TTC28: variants seen among roughly 807,000 people sequenced by gnomAD.
TTC28 encodes tetratricopeptide repeat protein 28.
Under a neutral mutation model 198.0 loss-of-function variants are expected in TTC28, and 61 were observed. That is an observed-to-expected ratio of 0.31 (90% confidence interval 0.25 to 0.38). The LOEUF is 0.38. Ranked by LOEUF, TTC28 falls within the 10% of genes least tolerant of loss-of-function variation. The pLI is 1.00. For synonymous variants in TTC28, 1,171 were observed against 1,297.8 expected (o/e 0.90, Z 2.10); for missense variants, 2,678 against 3,164.0 (o/e 0.85, Z 3.69).
intron 5 of TTC28, among the ~76,000 whole-genome samples, chr22:28,257,274 C>T (rs569386295): frequency 4.6e-5 from 7 of 152,120 alleles, no homozygotes; most frequent in African/African-American, 7.2e-5. Context: ...GAAAGGAAAT[C>T]GACATATCAA....
chr22:28,293,841 G>C (rs1279358794), intron 5 of TTC28, among the ~76,000 whole-genome samples: 1 of 152,132 alleles, frequency 6.6e-6, no homozygotes, highest in African/African-American at 2.4e-5. Context: ...AAATATGCTT[G>C]AGCAACATCA....
intron 5 of TTC28, among the ~76,000 whole-genome samples, chr22:28,220,026 C>CT (rs1927731558): frequency 2.0e-5 from 3 of 152,206 alleles, no homozygotes; most frequent in Admixed American, 1.3e-4. Flanking sequence ...CCTACTGCAG[C>CT]TGCTGGATCC....
chr22:28,290,938 A>G (rs2044776249), intron 5 of TTC28, among the ~76,000 whole-genome samples: 1 of 152,068 alleles, frequency 6.6e-6, no homozygotes, highest in Admixed American at 6.5e-5. Flanking sequence ...CAATGAAAAA[A>G]TATCTCATTT....
intron 5 of TTC28, among the ~76,000 whole-genome samples, chr22:28,207,224 G>GAA (rs71194756): frequency 4.0e-5 from 5 of 125,586 alleles, no homozygotes; most frequent in Non-Finnish European, 8.6e-5. Context: ...TAAGCAGATG[G>GAA]AAAAAAAAAA....
chr22:28,246,131 C>T lies in TTC28; in HGVS notation c.933+50067G>A, dbSNP rs560036352. 2.6e-5 allele frequency among the ~76,000 whole-genome samples: 4 copies of T among 152,224 alleles called. No homozygotes were observed. The South Asian group carries it at 8.3e-4, about 32-fold the overall frequency. ...CCAACATCGTCCCTTACACATACTA[C>T]ACATTTATATATTTGTTAAACGAAG... On this transcript the variant is annotated intron_variant, in intron 5 of 22. Coordinates refer to ENST00000397906, the MANE Select transcript of TTC28 (RefSeq NM_001145418.2).
At chr22:28,160,131 A>T (rs1921003792) in intron 6 of TTC28, among the ~76,000 whole-genome samples, 1 of 152,234 alleles carries the variant, frequency 6.6e-6, no homozygotes, top group Non-Finnish European at 1.5e-5. Flanking sequence ...AGGATGAAGA[A>T]GACCTACTAT....
intron 2 of TTC28, among the ~76,000 whole-genome samples, chr22:28,488,847 G>C (rs1313661691): frequency 1.3e-5 from 2 of 152,004 alleles, no homozygotes; most frequent in East Asian, 1.9e-4. Flanking sequence ...ATATGTACTT[G>C]GTATTTTTTA....
At chr22:28,322,659 T>C (rs528688971) in intron 2 of TTC28, among the ~76,000 whole-genome samples, 16 of 152,350 alleles carry the variant, frequency 1.1e-4, no homozygotes, top group African/African-American at 3.6e-4. Flanking sequence ...CTGAAAATAC[T>C]GAGCAGGAGC....
At chr22:28,145,571 G>GA (rs1220650034) in intron 6 of TTC28, among the ~76,000 whole-genome samples, 3 of 152,108 alleles carry the variant, frequency 2.0e-5, no homozygotes, top group Non-Finnish European at 4.4e-5. Flanking sequence ...TGTCTTGTCA[G>GA]AAAAAATGTC....
intron 5 of TTC28, among the ~76,000 whole-genome samples, chr22:28,222,628 T>C (rs1927974193): frequency 6.6e-6 from 1 of 152,208 alleles, no homozygotes; most frequent in Non-Finnish European, 1.5e-5. Flanking sequence ...CATTAAGAAA[T>C]GTTCAGAAGC....
rs1270070305 is a variant in TTC28, at chr22:28,014,374, C to T, written c.4092G>A (p.Thr1364=). 8.4e-6 allele frequency: 13 copies of T among 1,550,612 alleles called. No homozygotes were observed. Among genetic ancestry groups the T allele is most frequent in the African/African-American group, 5.5e-5 (4 of 72,976 alleles). ...GTGACACAGTGTTACTGAACAGGCT[C>T]GTCATGCTCTGGCAGCTCCTGGGGA... ...NLFNRSCQSM[T]SLFSNTVSPT... is the part of the protein sequence containing the mutation. Residue 1364 remains threonine, a synonymous_variant, in exon 14 of 23, where the codon ACG becomes ACA. Transcript: ENST00000397906.
intron 5 of TTC28, among the ~76,000 whole-genome samples, chr22:28,173,839 G>A (rs1922908024): frequency 6.6e-6 from 1 of 152,044 alleles, no homozygotes; most frequent in African/African-American, 2.4e-5. Flanking sequence ...CATCTAGCAT[G>A]TTTTTCCCTT....
intron 2 of TTC28, among the ~76,000 whole-genome samples, chr22:28,335,414 G>A (rs2045694750): frequency 6.6e-6 from 1 of 152,114 alleles, no homozygotes; most frequent in Non-Finnish European, 1.5e-5. Context: ...AGCTTGATGG[G>A]GATGGCATTG....
rs2044606305 is a variant in TTC28, at chr22:28,282,651, G to A, written c.933+13547C>T. Among the ~76,000 whole-genome samples, 6 of 152,268 alleles carry A rather than the reference G, an allele frequency of 3.9e-5. No homozygotes were observed. In the South Asian group the frequency reaches 1.0e-3, roughly 26 times the overall value. The stretch of plus-strand genomic sequence containing the variant: ...AGGTGATGAACTAGCAGCCCAAAGA[G>A]CTTCCACAAGAGGTCTGTCCATGAT... On this transcript the variant is annotated intron_variant, in intron 5 of 22. Coordinates refer to ENST00000397906, the MANE Select transcript of TTC28 (RefSeq NM_001145418.2).
At chr22:28,106,447 C>T (rs1942305639) in intron 7 of TTC28, among the ~76,000 whole-genome samples, 1 of 152,142 alleles carries the variant, frequency 6.6e-6, no homozygotes, top group Non-Finnish European at 1.5e-5. Context: ...TTCCCCTGAG[C>T]CTCCAATTCT....
intron 16 of TTC28, chr22:27,998,248 T>G: frequency 2.0e-6 from 1 of 500,428 alleles, no homozygotes; most frequent in Admixed American, 3.5e-5. Context: ...ATGGGTTAAA[T>G]GAGGGTGCCA....
rs12168708 is a variant in TTC28 at position 28,344,774 on chromosome 22, G to T, written c.382-38131C>A. On this transcript the variant is annotated intron_variant, in intron 2 of 22. Transcript: ENST00000397906. ...TTTCTCTCCTTTCATCTCCAAAGGA[G>T]CTCCTAAGGCTCTGTCCCCATGTGA... is the stretch of plus-strand genomic sequence containing the variant. 1.1e-4 allele frequency among the ~76,000 whole-genome samples: 16 copies of T among 152,216 alleles called. No individual in the cohort carries two copies. The South Asian group carries it at 3.1e-3, about 30-fold the overall frequency.
At position 28,614,163 on chromosome 22, in the gene TTC28, G is replaced by A. The variant is rs142584526; in HGVS notation, c.381+15389C>T. Among the ~76,000 whole-genome samples, 1,090 of 152,190 alleles carry A rather than the reference G, an allele frequency of 7.2e-3. 8 individuals are homozygous for A. Among genetic ancestry groups the A allele is most frequent in the Non-Finnish European group, 0.011 (750 of 68,022 alleles). On this transcript the variant is annotated intron_variant, in intron 2 of 22. Transcript: ENST00000397906. ...TATACACCAATAACAGACAAACAGA[G>A]AGCCAAATCATGTGTGAACTCCCAC...
At chr22:28,276,209 C>T (rs957011425) in intron 5 of TTC28, among the ~76,000 whole-genome samples, 2 of 151,768 alleles carry the variant, frequency 1.3e-5, no homozygotes, top group African/African-American at 4.8e-5. Flanking sequence ...CACGAGGTTT[C>T]GCCATGTTGC....
Sources: gnomAD v4.1 joint callset for allele counts (sites outside exome capture counted in the v4.1 genomes callset) on GRCh38, gnomAD v4.1.1 for gene constraint, MANE v1.5 for transcripts, NCBI Gene and HGNC (gene_info 2026-07-23, HGNC 2026-07-21) for gene names.